ELOA: variants seen among roughly 807,000 people sequenced by gnomAD.
The protein encoded by ELOA is elongin-A.
ELOA carries 15 observed loss-of-function variants against 85.2 expected under a neutral mutation model. That is an observed-to-expected ratio of 0.18 (90% confidence interval 0.12 to 0.27). The LOEUF (loss-of-function observed/expected upper bound fraction) is 0.27. ELOA is among the 10% of genes least tolerant of loss of function. ELOA has a pLI of 1.00. For synonymous variants in ELOA, 348 were observed against 357.2 expected (o/e 0.97, Z 0.29); for missense variants, 769 against 952.7 (o/e 0.81, Z 2.54).
intron 7 of ELOA, 80 bp downstream of exon 7, chr1:23,754,540 TG>T: frequency 8.7e-7 from 1 of 1,153,796 alleles, no homozygotes; most frequent in South Asian, 1.3e-5. Flanking sequence ...GTGACTCCGC[TG>T]TGGCTGAAGG....
chr1:23,751,727 G>T lies in ELOA; in HGVS notation c.1122G>T (p.Gly374=). The change falls in exon 4 of 11, where the codon GGG becomes GGT. Residue 374 remains glycine, a synonymous_variant. Transcript: ENST00000613537. ...KGSNNLKTPE[G]KVKTNLDRKS... is the part of the protein sequence containing the mutation. ...CTAACAACCTAAAGACTCCAGAAGG[G>T]AAAGTCAAAACTAATTTGGATAGAA... 1 of 1,614,138 alleles carries T rather than the reference G, an allele frequency of 6.2e-7. No homozygotes were observed.
At chr1:23,757,255 C>G (rs1644798351) in intron 10 of ELOA, 130 bp downstream of exon 10, 1 of 1,011,358 alleles carries the variant, frequency 9.9e-7, no homozygotes, top group African/African-American at 1.7e-5. Context: ...CATAGCTGGT[C>G]TGAATGTCAG....
chr1:23,743,725 C>T (rs1481954370), intron 1 of ELOA, 147 bp downstream of exon 1: 2 of 1,023,794 alleles, frequency 2.0e-6, no homozygotes, highest in Non-Finnish European at 2.6e-6. Context: ...CGGCCATTGA[C>T]CGCTGCCCGC....
In ELOA at chr1:23,751,368, G is replaced by A. The variant is rs1425307126; in HGVS notation, c.763G>A (p.Val255Met). The change falls in exon 4 of 11, where the codon GTG becomes ATG. Residue 255 changes from valine (V) to methionine (M), a missense_variant. This residue lies in a region of ELOA where 440 missense variants were observed against 474.0 expected (regional missense o/e 0.93). Transcript: ENST00000613537. ...HKSSHKDKRP[V>M]DAKSDEKASV... ...ATCTTCCCACAAGGACAAACGCCCC[G>A]TGGATGCCAAGAGTGATGAGAAGGC... The A allele has an allele frequency of 2.5e-6, 4 of 1,614,226 alleles. No individual in the cohort carries two copies. The highest frequency in any genetic ancestry group is 1.7e-5 in the Admixed American group (1 of 60,034).
chr1:23,755,302 T>C (rs74344401), intron 7 of ELOA, among the ~76,000 whole-genome samples: 3,206 of 152,262 alleles, frequency 0.021, 105 homozygotes, highest in African/African-American at 0.072. Flanking sequence ...AAGACTGATG[T>C]TACACAGATT....
At position 23,756,281 on chromosome 1, in the gene ELOA, A is replaced by G; in HGVS notation, c.1980A>G (p.Gln660=). Residue 660 remains glutamine (Q), a synonymous_variant, in exon 9 of 11, where the codon CAA becomes CAG. Transcript: ENST00000613537. ...ATCTCCATAATTCCACAGGCCGACA[A>G]GCAAAGATGGCCTTTGTCAACTCTG... ...FAHANKPKGR[Q]AKMAFVNSVA... 6.4e-7 allele frequency: 1 copy of G among 1,559,032 alleles called. No homozygotes were observed. The highest frequency in any genetic ancestry group is 8.7e-7 in the Non-Finnish European group (1 of 1,151,810).
rs563938357 is a variant in ELOA, at chr1:23,751,046, C to T, written c.441C>T (p.His147=). 1.2e-5 allele frequency: 20 copies of T among 1,614,066 alleles called. No homozygotes were observed. The highest frequency in any genetic ancestry group is 1.6e-4 in the Middle Eastern group (1 of 6,062). Residue 147 remains histidine (H), a synonymous_variant, in exon 4 of 11, where the codon CAC becomes CAT. Transcript: ENST00000613537. ...SELERPHKVS[H]GHERRDERKR... is the part of the protein sequence containing the mutation. ...TCGAGAGACCTCACAAAGTGTCTCA[C>T]GGTCATGAGAGGAGAGATGAGAGAA...
chr1:23,751,699 G>C lies in ELOA; in HGVS notation c.1094G>C (p.Gly365Ala). 1 of 1,614,098 alleles carries C rather than the reference G, an allele frequency of 6.2e-7. No individual in the cohort carries two copies. Among genetic ancestry groups the C allele is most frequent in the Non-Finnish European group, 8.5e-7 (1 of 1,180,020 alleles). Reference protein sequence around the residue: ...GDLLPKVKEKGSNNLKTPEGK... With the variant: ...GDLLPKVKEKASNNLKTPEGK... Reference sequence around the variant, plus strand: ...CTGTTGCCCAAGGTAAAAGAGAAGGGTTCTAACAACCTAAAGACTCCAGAA... The same window carrying C: ...CTGTTGCCCAAGGTAAAAGAGAAGGCTTCTAACAACCTAAAGACTCCAGAA... The change falls in exon 4 of 11, where the codon GGT (glycine) becomes GCT (alanine). Residue 365 changes from glycine (G) to alanine (A), a missense_variant. Coordinates refer to ENST00000613537, the MANE Select transcript of ELOA (RefSeq NM_003198.3).
intron 1 of ELOA, among the ~76,000 whole-genome samples, chr1:23,745,361 T>C (rs1395209706): frequency 1.3e-5 from 2 of 152,248 alleles, no homozygotes; most frequent in Admixed American, 1.3e-4. Context: ...TCTTTATTTC[T>C]GTCAGATAAA....
rs1309734239 is a variant in ELOA at position 23,749,003 on chromosome 1, A to G, written c.76-18A>G. 1.2e-6 allele frequency: 2 copies of G among 1,607,540 alleles called. No individual in the cohort carries two copies. The highest frequency in any genetic ancestry group is 2.7e-5 in the African/African-American group (2 of 74,884). On this transcript the variant is annotated intron_variant, in intron 1 of 10. Coordinates refer to ENST00000613537, the MANE Select transcript of ELOA (RefSeq NM_003198.3). ...AAAGTGAATTTGACTATTGAAATTA[A>G]TGTTTTCTTCTCTGCAGCTATTGAA...
chr1:23,751,139 A>G lies in ELOA; in HGVS notation c.534A>G (p.Gln178=). The stretch of plus-strand genomic sequence containing the variant: ...AGTCTTCTGATTATGGCCATGTTCA[A>G]TCCCCTCCATCTTGTACCAGTCCTC... ...DPESSDYGHV[Q]SPPSCTSPHQ... is the part of the protein sequence containing the mutation. The change falls in exon 4 of 11, where the codon CAA becomes CAG. Residue 178 remains glutamine (Q), a synonymous_variant. Transcript: ENST00000613537. 1.9e-6 allele frequency: 3 copies of G among 1,614,074 alleles called. No individual in the cohort carries two copies. Among genetic ancestry groups the G allele is most frequent in the East Asian group, 2.2e-5 (1 of 44,886 alleles).
chr1:23,751,628 C>T lies in ELOA; in HGVS notation c.1023C>T (p.Ser341=), dbSNP rs1413546627. The change falls in exon 4 of 11, where the codon AGC becomes AGT. Residue 341 remains serine (S), a synonymous_variant. Transcript: ENST00000613537. ...CAGAGAAAGCCAAATTGGACAAAAG[C>T]AAGCAAGGTCTGGACAGCTTTGACA... ...RDPEKAKLDK[S]KQGLDSFDTG... 18 of 1,614,160 alleles carry T rather than the reference C, an allele frequency of 1.1e-5. No individual in the cohort carries two copies. Among genetic ancestry groups the T allele is most frequent in the Non-Finnish European group, 1.5e-5 (18 of 1,180,044 alleles).
At chr1:23,746,608 CAAAAAAA>C (rs55782205) in intron 1 of ELOA, among the ~76,000 whole-genome samples, 1 of 68,424 alleles carries the variant, frequency 1.5e-5, no homozygotes, top group Non-Finnish European at 2.8e-5. Context: ...ACTCCATCTC[CAAAAAAA>C]AAAAAAAAAA....
At position 23,756,122 on chromosome 1, in the gene ELOA, C is replaced by T; in HGVS notation, c.1972+99C>T. On this transcript the variant is annotated intron_variant, in intron 8 of 10. Coordinates refer to ENST00000613537, the MANE Select transcript of ELOA (RefSeq NM_003198.3). ...TTGGCTGGTGTAGGACTGCTTGCCC[C>T]TACATCAGGTAGCAGGGTGGGTATT... is the stretch of plus-strand genomic sequence containing the variant. The T allele has an allele frequency of 2.7e-6, 4 of 1,490,390 alleles. No individual in the cohort carries two copies. In the South Asian group the frequency reaches 5.2e-5, roughly 19 times the overall value. The allele number at this position is 1,490,390 out of a possible 1,614,324, so 92.3% of individuals were successfully genotyped here.
Position 23,757,078 on chromosome 1 carries a change from T to G in ELOA, c.2210T>G (p.Val737Gly). ...PSTSSAHLAPVVSSTVSYDPR... is the reference protein window; with the variant it reads ...PSTSSAHLAPGVSSTVSYDPR... The stretch of plus-strand genomic sequence containing the variant: ...ACCAGCAGTGCCCACTTGGCACCAG[T>G]GGTCAGCAGCACTGTTTCCTATGAT... Residue 737 changes from valine to glycine, a missense_variant, in exon 10 of 11, where the codon GTG becomes GGG. By Grantham distance (109) the Val-to-Gly change is moderately radical. Coordinates refer to ENST00000613537, the MANE Select transcript of ELOA (RefSeq NM_003198.3). 6.2e-7 allele frequency: 1 copy of G among 1,607,304 alleles called. No individual in the cohort carries two copies. The highest frequency in any genetic ancestry group is 8.5e-7 in the Non-Finnish European group (1 of 1,177,880).
Position 23,747,310 on chromosome 1 carries a change from C to T in ELOA, c.76-1711C>T, listed in dbSNP as rs569974429. The stretch of plus-strand genomic sequence containing the variant: ...AGTGTTCTGATGTTGGATGCTTCTC[C>T]TGGCTTTACTTAACTGTAGTAGACA... On this transcript the variant is annotated intron_variant, in intron 1 of 10. Coordinates refer to ENST00000613537, the MANE Select transcript of ELOA (RefSeq NM_003198.3). 3.9e-5 allele frequency among the ~76,000 whole-genome samples: 6 copies of T among 152,308 alleles called. No individual in the cohort carries two copies. The South Asian group carries it at 6.2e-4, about 16-fold the overall frequency.
intron 1 of ELOA, among the ~76,000 whole-genome samples, chr1:23,746,038 C>G (rs1273821248): frequency 1.3e-5 from 2 of 152,162 alleles, no homozygotes; most frequent in Non-Finnish European, 2.9e-5. Flanking sequence ...CCTGTAATCC[C>G]AGCACTTTGG....
In ELOA at chr1:23,752,437, C is replaced by G. The variant is rs758695109; in HGVS notation, c.1456C>G (p.Leu486Val). 2 of 1,614,128 alleles carry G rather than the reference C, an allele frequency of 1.2e-6. No individual in the cohort carries two copies. Among genetic ancestry groups the G allele is most frequent in the Non-Finnish European group, 1.7e-6 (2 of 1,179,996 alleles). Residue 486 changes from leucine to valine, a missense_variant, in exon 5 of 11, where the codon CTC (leucine) becomes GTC (valine). Leu to Val is a conservative substitution (Grantham distance 32, BLOSUM62 1). Coordinates refer to ENST00000613537, the MANE Select transcript of ELOA (RefSeq NM_003198.3). ...VPDVLPVLPD[L>V]PLPAIQANYR... Reference sequence around the variant, plus strand: ...TGATGTGTTGCCAGTGTTGCCAGACCTCCCGTTACCCGCGATACAGGCCAA... The same window carrying G: ...TGATGTGTTGCCAGTGTTGCCAGACGTCCCGTTACCCGCGATACAGGCCAA...
rs1438396551 is a variant in ELOA, at chr1:23,743,479, C to T, written c.-25C>T. 6.7e-7 allele frequency: 1 copy of T among 1,502,260 alleles called. No homozygotes were observed. The highest frequency in any genetic ancestry group is 2.1e-5 in the Admixed American group (1 of 47,302). 93.1% of individuals were successfully genotyped at this position (1,502,260 alleles called of 1,614,324 possible). A position where few individuals can be genotyped will look rare whatever the true frequency, so the allele number is the denominator to read the frequency against. On this transcript the variant is annotated 5_prime_UTR_variant, in exon 1 of 11. Coordinates refer to ENST00000613537, the MANE Select transcript of ELOA (RefSeq NM_003198.3). The stretch of plus-strand genomic sequence containing the variant: ...GGACGCGACGCGAGCCCAGTTCCGG[C>T]GAGGAGGCCGCGCCAGTGACAGCGA...
Sources: allele counts gnomAD v4.1 joint callset (sites outside exome capture counted in the v4.1 genomes callset), GRCh38; gene constraint gnomAD v4.1.1; regional missense constraint gnomAD v4.1.1; transcripts MANE v1.5; gene names NCBI Gene and HGNC (gene_info 2026-07-23, HGNC 2026-07-21).